Variants in CUL3 observed in about 807,000 individuals in gnomAD.
CUL3 encodes the protein cullin 3, also known as cullin-3.
CUL3 carries 19 observed loss-of-function variants against 89.1 expected under a neutral mutation model. The observed-to-expected ratio is 0.21, with a 90% confidence interval of 0.15 to 0.31. The LOEUF is 0.31. Among genes scored for constraint, CUL3 ranks in the 10% least tolerant of loss-of-function variants. The pLI is 1.00. For missense variants in CUL3, 469 were observed against 942.3 expected (o/e 0.50, Z 6.58); for synonymous variants, 351 against 308.4 (o/e 1.14, Z -1.45).
At chr2:224,549,173 C>T (rs1275110644) in intron 2 of CUL3, among the ~76,000 whole-genome samples, 1 of 151,778 alleles carries the variant, frequency 6.6e-6, no homozygotes, top group Non-Finnish European at 1.5e-5. Context: ...AAAGATTGGC[C>T]GAGCATGGTG....
chr2:224,474,440 C>T, intron 15 of CUL3, 64 bp from the exon 16 acceptor site: 1 of 1,373,026 alleles, frequency 7.3e-7, no homozygotes, highest in Non-Finnish European at 1.0e-6. Flanking sequence ...TTGAACAGAA[C>T]TGATATGTCA....
intron 1 of CUL3, chr2:224,560,486 C>T (rs2106310150): frequency 6.5e-6 from 1 of 153,140 alleles, no homozygotes; most frequent in East Asian, 1.9e-4. Flanking sequence ...TTGGTTTCCC[C>T]TGAAGTCTTT....
At chr2:224,483,356 T>C (rs1276376509) in intron 13 of CUL3, among the ~76,000 whole-genome samples, 5 of 152,162 alleles carry the variant, frequency 3.3e-5, no homozygotes, top group African/African-American at 4.8e-5. Flanking sequence ...TAAAACCTTA[T>C]AGTGGGGAAT....
At chr2:224,486,709 G>C (rs970258182) in intron 13 of CUL3, among the ~76,000 whole-genome samples, 1 of 152,136 alleles carries the variant, frequency 6.6e-6, no homozygotes, top group Non-Finnish European at 1.5e-5. Context: ...ATATTAACCA[G>C]GAGAACTTCC....
chr2:224,557,895 A>AAAAC (rs1186867135), intron 1 of CUL3, 39 bp from the exon 2 acceptor site: 13 of 1,152,352 alleles, frequency 1.1e-5, no homozygotes, highest in African/African-American at 3.2e-5. Context: ...AAAAAAAAAA[A>AAAAC]AAAAAAAAAA....
intron 13 of CUL3, among the ~76,000 whole-genome samples, chr2:224,494,459 A>T (rs963870422): frequency 2.6e-5 from 4 of 152,200 alleles, no homozygotes; most frequent in Admixed American, 1.3e-4. Flanking sequence ...AAAGCATATT[A>T]TAAAATTAGT....
At position 224,569,506 on chromosome 2, in the gene CUL3, C is replaced by T. The variant is rs78881198; in HGVS notation, c.67-11650G>A. Among the ~76,000 whole-genome samples, 1,249 of 152,230 alleles carry T rather than the reference C, an allele frequency of 8.2e-3. 14 individuals are homozygous for T. The highest frequency in any genetic ancestry group is 0.026 in the South Asian group (127 of 4,822). ...TTTGAAAGTGATCTTTGCCTCCTTA[C>T]CTCCCTCCAATCCAGGATTACAATT... On this transcript the variant is annotated intron_variant, in intron 1 of 15. Transcript: ENST00000264414.
chr2:224,512,162 C>A (rs1315455452), intron 5 of CUL3, among the ~76,000 whole-genome samples: 1 of 151,636 alleles, frequency 6.6e-6, no homozygotes, highest in Non-Finnish European at 1.5e-5. Context: ...GTGGCGCGAT[C>A]TCAGCTCACT....
intron 10 of CUL3, among the ~76,000 whole-genome samples, chr2:224,501,345 C>T (rs1232662380): frequency 6.6e-6 from 1 of 152,234 alleles, no homozygotes; most frequent in Non-Finnish European, 1.5e-5. Flanking sequence ...AGGTGCTCTA[C>T]AAATATCTGT....
At chr2:224,577,800 C>T (rs993517939) in intron 1 of CUL3, among the ~76,000 whole-genome samples, 1 of 152,048 alleles carries the variant, frequency 6.6e-6, no homozygotes, top group African/African-American at 2.4e-5. Context: ...TATTTTTTCA[C>T]CTATAAAATT....
chr2:224,528,455 A>G (rs1357769812), intron 3 of CUL3, among the ~76,000 whole-genome samples: 1 of 152,118 alleles, frequency 6.6e-6, no homozygotes, highest in African/African-American at 2.4e-5. Flanking sequence ...TAACATAATC[A>G]CATCTGCAAA....
intron 15 of CUL3, among the ~76,000 whole-genome samples, chr2:224,476,496 A>T (rs1691327862): frequency 6.6e-6 from 1 of 152,130 alleles, no homozygotes; most frequent in Non-Finnish European, 1.5e-5. Flanking sequence ...AAACTCCTCA[A>T]CCCAGTCCTG....
intron 14 of CUL3, 165 bp from the exon 15 acceptor site, chr2:224,478,510 C>A: frequency 6.2e-6 from 3 of 485,936 alleles, no homozygotes; most frequent in Non-Finnish European, 1.1e-5. Flanking sequence ...TTAATGTTTA[C>A]TTGAATACTA....
chr2:224,521,168 G>C (rs1235479636), intron 3 of CUL3, among the ~76,000 whole-genome samples: 1 of 152,162 alleles, frequency 6.6e-6, no homozygotes, highest in Non-Finnish European at 1.5e-5. Context: ...AGCAAGCTAG[G>C]ATAAATGGGT....
chr2:224,471,350 G>A lies in CUL3; in HGVS notation c.*2895C>T, dbSNP rs983794780. 2 of 200,338 alleles carry A rather than the reference G, an allele frequency of 1.0e-5. No individual in the cohort carries two copies. The highest frequency in any genetic ancestry group is 2.3e-5 in the African/African-American group (1 of 43,586). The allele number at this position is 200,338 out of a possible 1,614,324, so 12.4% of individuals were successfully genotyped here. The stretch of plus-strand genomic sequence containing the variant: ...TTACTGAAAATGAGTATCTTAAACT[G>A]TAAACATTAAAACTGCTTTCCAAAT... On this transcript the variant is annotated 3_prime_UTR_variant, in exon 16 of 16. Coordinates refer to ENST00000264414, the MANE Select transcript of CUL3 (RefSeq NM_003590.5).
At chr2:224,557,891 A>AAAAAAAAAAAAAAC in intron 1 of CUL3, 35 bp from the exon 2 acceptor site, 1 of 1,142,990 alleles carries the variant, frequency 8.7e-7, no homozygotes, top group Non-Finnish European at 1.2e-6. Context: ...GACAAAAAAA[A>AAAAAAAAAAAAAAC]AAAAAAAAAA....
At position 224,485,079 on chromosome 2, in the gene CUL3, A is replaced by G. The variant is rs1691666479; in HGVS notation, c.1843-3001T>C. The G allele has an allele frequency of 6.6e-6, 1 of 152,276 alleles. No homozygotes were observed. Among genetic ancestry groups the G allele is most frequent in the African/African-American group, 2.4e-5 (1 of 41,458 alleles). 9.4% of individuals were successfully genotyped at this position (152,276 alleles called of 1,614,324 possible). A position where few individuals can be genotyped will look rare whatever the true frequency, so the allele number is the denominator to read the frequency against. On this transcript the variant is annotated intron_variant, in intron 13 of 15. Transcript: ENST00000264414. The surrounding 1 kb of genome is among the most constrained non-coding windows in gnomAD (Gnocchi z 4.1). ...AAGGGAAGCCCTGAGGGACTGTGCT[A>G]TCTGGCCCAAATACTACGCTTTGCC...
rs748660335 is a variant in CUL3, at chr2:224,500,501, A to G, written c.1486-14T>C. ...ACCTAAAGATACCTATGTAAAACAG[A>G]AAGAGATATTCCCCTCAAAATTAAC... is the stretch of plus-strand genomic sequence containing the variant. On this transcript the variant is annotated splice_polypyrimidine_tract_variant and intron_variant, in intron 10 of 15. Coordinates refer to ENST00000264414, the MANE Select transcript of CUL3 (RefSeq NM_003590.5). 23 of 1,612,854 alleles carry G rather than the reference A, an allele frequency of 1.4e-5. No individual in the cohort carries two copies. The East Asian group carries it at 4.9e-4, about 34-fold the overall frequency.
chr2:224,473,609 C>G lies in CUL3; in HGVS notation c.*636G>C, dbSNP rs1299420994. 1 of 186,044 alleles carries G rather than the reference C, an allele frequency of 5.4e-6. No individual in the cohort carries two copies. Among genetic ancestry groups the G allele is most frequent in the Non-Finnish European group, 1.1e-5 (1 of 87,826 alleles). The allele number at this position is 186,044 out of a possible 1,614,324, so 11.5% of individuals were successfully genotyped here. ...TAATTTGGGAAATCTCAAATTACAA[C>G]AGGGAGAAACCAAATCAGGATGTGT... is the stretch of plus-strand genomic sequence containing the variant. On this transcript the variant is annotated 3_prime_UTR_variant, in exon 16 of 16. Transcript: ENST00000264414.
Sources: allele counts gnomAD v4.1 joint callset (sites outside exome capture counted in the v4.1 genomes callset), GRCh38; gene constraint gnomAD v4.1.1; non-coding constraint Gnocchi (gnomAD v3.1); transcripts MANE v1.5; gene names NCBI Gene and HGNC (gene_info 2026-07-23, HGNC 2026-07-21).